TPCN2: variants seen among roughly 807,000 people sequenced by gnomAD.
TPCN2 encodes the protein two pore channel protein 2.
In TPCN2, 92 loss-of-function variants were observed where a neutral mutation model predicts 111.4. The observed-to-expected ratio is 0.83, with a 90% CI of 0.70 to 0.98. The LOEUF (loss-of-function observed/expected upper bound fraction) is 0.98. Ranked by LOEUF, TPCN2 falls within the 50% of genes least tolerant of loss-of-function variation. The pLI is 0.00. For synonymous variants in TPCN2, 405 were observed against 414.5 expected (o/e 0.98, Z 0.28); for missense variants, 995 against 980.1 (o/e 1.02, Z -0.20).
chr11:69,068,217 C>A (rs1855360353), intron 8 of TPCN2, among the ~76,000 whole-genome samples: 2 of 152,342 alleles, frequency 1.3e-5, no homozygotes, highest in South Asian at 4.1e-4. Flanking sequence ...TCTTGCGGAC[C>A]CTGAGTGCTG....
At chr11:69,078,203 T>G (rs1855871775) in intron 13 of TPCN2, among the ~76,000 whole-genome samples, 1 of 152,130 alleles carries the variant, frequency 6.6e-6, no homozygotes, top group Non-Finnish European at 1.5e-5. Context: ...TTGCGTATGT[T>G]TCAGGTGACT....
chr11:69,069,381 G>A (rs370456575), intron 8 of TPCN2, among the ~76,000 whole-genome samples: 504 of 32,666 alleles, frequency 0.015, 75 homozygotes, highest in East Asian at 0.045. Flanking sequence ...CTGAGTCCTA[G>A]GAAGTGACCG....
Position 69,084,691 on chromosome 11 carries a change from G to C in TPCN2, c.1762-519G>C, listed in dbSNP as rs368778874. ...ACCACCTTGACGTAGGGACCACTGG[G>C]GTGAGAAGGTGTCTCTGGGGCCGCA... On this transcript the variant is annotated intron_variant, in intron 19 of 24. Coordinates refer to ENST00000294309, the MANE Select transcript of TPCN2 (RefSeq NM_139075.4). The C allele has an allele frequency of 4.0e-4, 391 of 985,424 alleles. 1 individual carries two copies. In the African/African-American group the frequency reaches 6.5e-3, roughly 16 times the overall value. 61.0% of individuals were successfully genotyped at this position (985,424 alleles called of 1,614,324 possible).
In TPCN2 at chr11:69,077,236, AC is replaced by A. The variant is rs1565091746; in HGVS notation, c.1231-1244del. Among the ~76,000 whole-genome samples the A allele has an allele frequency of 3.4e-3, 423 of 125,602 alleles. 5 individuals carry two copies. The highest frequency in any genetic ancestry group is 0.027 in the Middle Eastern group (5 of 184). The allele number at this position is 125,602 out of a possible 152,430, so 82.4% of individuals were successfully genotyped here. A position where few individuals can be genotyped will look rare whatever the true frequency, so the allele number is the denominator to read the frequency against. On this transcript the variant is annotated intron_variant, in intron 13 of 24. Coordinates refer to ENST00000294309, the MANE Select transcript of TPCN2 (RefSeq NM_139075.4). ...ACCTGCCCTCCTGCCATGTCCCTCC[AC>A]CTGCCCTCCTGCCACGTCCCTCCAC...
At chr11:69,062,788 C>T (rs770016302) in intron 5 of TPCN2, 96 bp from the exon 6 acceptor site, 3 of 1,176,656 alleles carry the variant, frequency 2.5e-6, no homozygotes, top group South Asian at 1.3e-5. Flanking sequence ...GCCCCCAGGG[C>T]ACTGGGGTCT....
In TPCN2 at chr11:69,072,940, T is replaced by C. The variant is rs1400200945; in HGVS notation, c.1169T>C (p.Leu390Pro). 6.2e-7 allele frequency: 1 copy of C among 1,613,882 alleles called. No individual in the cohort carries two copies. The highest frequency in any genetic ancestry group is 8.5e-7 in the Non-Finnish European group (1 of 1,179,790). The change falls in exon 13 of 25, where the codon CTG (leucine) becomes CCG (proline). Residue 390 changes from leucine (L) to proline (P), a missense_variant. Leu to Pro is a moderately conservative substitution (Grantham distance 98). Coordinates refer to ENST00000294309, the MANE Select transcript of TPCN2 (RefSeq NM_139075.4). ...AAGGTGCGTTCCTATGGCAGTGTTC[T>C]GCTCTCAGCTGAGGAGTTTCAGAAG... ...MEKVRSYGSV[L>P]LSAEEFQKLF...
chr11:69,060,663 G>A (rs1468330025), intron 5 of TPCN2, among the ~76,000 whole-genome samples: 1 of 152,198 alleles, frequency 6.6e-6, no homozygotes, highest in Non-Finnish European at 1.5e-5. Context: ...GCTGTCAAGG[G>A]AAGGCCCTCA....
intron 15 of TPCN2, 44 bp from the exon 16 acceptor site, chr11:69,078,848 C>T (rs370891708): frequency 6.2e-7 from 1 of 1,613,958 alleles, no homozygotes; most frequent in Non-Finnish European, 8.5e-7. Context: ...GCAGTGCTGG[C>T]AGCCCTGGGG....
At position 69,085,280 on chromosome 11, in the gene TPCN2, A is replaced by G. The variant is rs748313894; in HGVS notation, c.1832A>G (p.Asn611Ser). 1 of 1,516,504 alleles carries G rather than the reference A, an allele frequency of 6.6e-7. No individual in the cohort carries two copies. The highest frequency in any genetic ancestry group is 1.1e-5 in the South Asian group (1 of 89,868). The allele number at this position is 1,516,504 out of a possible 1,614,324, so 93.9% of individuals were successfully genotyped here. Reference protein sequence around the residue: ...FRGVIVALPGNSSLAPANGSA... With the variant: ...FRGVIVALPGSSSLAPANGSA... The stretch of plus-strand genomic sequence containing the variant: ...GGCGTCATTGTGGCTCTTCCTGGAA[A>G]CAGCAGGTGAGGTGGGGTCCGAGGT... Residue 611 changes from asparagine (N) to serine (S), a missense_variant, in exon 20 of 25, where the codon AAC becomes AGC. Physicochemically the swap from Asn to Ser is conservative, Grantham distance 46. Coordinates refer to ENST00000294309, the MANE Select transcript of TPCN2 (RefSeq NM_139075.4).
chr11:69,071,757 C>G (rs113604325), intron 10 of TPCN2, among the ~76,000 whole-genome samples, 166 bp from the exon 11 acceptor site: 4 of 152,306 alleles, frequency 2.6e-5, no homozygotes, highest in African/African-American at 9.6e-5. Context: ...CTGACCAATC[C>G]TCTCATTCCT....
At chr11:69,073,613 A>G (rs890845918) in intron 13 of TPCN2, among the ~76,000 whole-genome samples, 3 of 152,222 alleles carry the variant, frequency 2.0e-5, no homozygotes, top group Admixed American at 2.0e-4. Flanking sequence ...ACGGCACCAC[A>G]GACTGGGGCG....
chr11:69,079,477 G>A (rs1330924177), intron 16 of TPCN2: 8 of 297,196 alleles, frequency 2.7e-5, no homozygotes. Context: ...CTTGGTGTGT[G>A]TGTCACAAGC....
chr11:69,069,278 T>G (rs1490469398), intron 8 of TPCN2, among the ~76,000 whole-genome samples: 3 of 55,598 alleles, frequency 5.4e-5, no homozygotes, highest in Non-Finnish European at 7.9e-5. Context: ...GTGACCGCAC[T>G]GGGAGCAGGA....
At chr11:69,066,764 T>G (rs1044239557) in intron 7 of TPCN2, among the ~76,000 whole-genome samples, 1 of 152,160 alleles carries the variant, frequency 6.6e-6, no homozygotes, top group Admixed American at 6.5e-5. Context: ...ACAACCAGTC[T>G]GGTTTGCGGG....
intron 9 of TPCN2, among the ~76,000 whole-genome samples, chr11:69,071,012 C>T (rs1205685012): frequency 6.6e-6 from 1 of 150,634 alleles, no homozygotes; most frequent in Non-Finnish European, 1.5e-5. Flanking sequence ...ACAGCTTCAC[C>T]CCGGGGATCC....
intron 5 of TPCN2, among the ~76,000 whole-genome samples, chr11:69,062,426 C>T (rs1172497098): frequency 1.3e-5 from 2 of 151,016 alleles, no homozygotes; most frequent in African/African-American, 4.9e-5. Flanking sequence ...GGGTCTGTGT[C>T]TGGGAGGGGA....
chr11:69,070,673 C>T (rs1008638794), intron 9 of TPCN2, among the ~76,000 whole-genome samples, 178 bp downstream of exon 9: 4 of 151,644 alleles, frequency 2.6e-5, no homozygotes. Context: ...AACAGCTTCA[C>T]CCGAGGGATC....
chr11:69,084,304 T>C (rs1207003507), intron 19 of TPCN2, among the ~76,000 whole-genome samples: 1 of 152,180 alleles, frequency 6.6e-6, no homozygotes, highest in East Asian at 1.9e-4. Context: ...CTCTCGTGTT[T>C]TCTGGGTTGT....
chr11:69,067,586 C>T lies in TPCN2; in HGVS notation c.810C>T (p.Thr270=), dbSNP rs147603564. The T allele has an allele frequency of 4.8e-5, 77 of 1,613,942 alleles. No individual in the cohort carries two copies. In the African/African-American group the frequency reaches 8.8e-4, roughly 18 times the overall value. The change falls in exon 8 of 25, where the codon ACC becomes ACT. Residue 270 remains threonine, a synonymous_variant. Transcript: ENST00000294309. ...ESLTSLLVLL[T]TANNPDVMIP... is the part of the protein sequence containing the mutation. ...TGACTTCCCTCCTGGTGCTGCTGAC[C>T]ACGGCCAACAACCCCGATGGTGCGT...
Sources: allele counts gnomAD v4.1 joint callset (sites outside exome capture counted in the v4.1 genomes callset), GRCh38; gene constraint gnomAD v4.1.1; transcripts MANE v1.5; gene names NCBI Gene and HGNC (gene_info 2026-07-23, HGNC 2026-07-21).